The following AK7 variants were observed in gnomAD, a reference collection of about 807,000 sequenced individuals.
The protein encoded by AK7 is adenylate kinase 7, also known as ATP-AMP transphosphorylase 7.
A neutral mutation model predicts 96.6 loss-of-function variants in AK7; 78 were observed. That is an observed-to-expected ratio of 0.81 (90% CI 0.67 to 0.97). The LOEUF is 0.97. AK7 is among the 50% of genes least tolerant of loss of function. The pLI is 0.00. For missense variants in AK7, 855 were observed against 887.9 expected, an observed-to-expected ratio of 0.96 and a Z score of 0.47; for synonymous variants, 302 against 317.2, an observed-to-expected ratio of 0.95 and a Z score of 0.51.
At chr14:96,472,173 TA>T (rs149849551) in intron 13 of AK7, among the ~76,000 whole-genome samples, 66 of 149,430 alleles carry the variant, frequency 4.4e-4, no homozygotes, top group African/African-American at 1.3e-3. Flanking sequence ...GAATTTCCTT[TA>T]AAAAAAAAAT....
At chr14:96,404,382 T>C (rs2139995481) in intron 2 of AK7, among the ~76,000 whole-genome samples, 1 of 152,338 alleles carries the variant, frequency 6.6e-6, no homozygotes, top group Non-Finnish European at 1.5e-5. Flanking sequence ...TTCTGAGTGA[T>C]TCGTGGTATA....
At chr14:96,405,526 G>A (rs1305778525) in intron 3 of AK7, among the ~76,000 whole-genome samples, 1 of 152,060 alleles carries the variant, frequency 6.6e-6, no homozygotes, top group Non-Finnish European at 1.5e-5. Context: ...CATTCCATAG[G>A]CGCTGCTTAA....
chr14:96,488,205 G>C, intron 17 of AK7, 100 bp from the exon 18 acceptor site: 1 of 1,177,228 alleles, frequency 8.5e-7, no homozygotes, highest in Non-Finnish European at 1.2e-6. Context: ...GAGCCACCAA[G>C]CTTGGCCCAG....
At chr14:96,462,495 G>T (rs1281361143) in intron 12 of AK7, among the ~76,000 whole-genome samples, 3 of 152,130 alleles carry the variant, frequency 2.0e-5, no homozygotes, top group African/African-American at 7.2e-5. Context: ...CAGTCCCACA[G>T]TGAGGCCCCT....
intron 3 of AK7, among the ~76,000 whole-genome samples, chr14:96,408,320 C>G (rs1166010575): frequency 6.6e-6 from 1 of 152,252 alleles, no homozygotes; most frequent in East Asian, 1.9e-4. Flanking sequence ...GGCACCCAGA[C>G]AGCCTGGATT....
intron 5 of AK7, among the ~76,000 whole-genome samples, chr14:96,436,026 T>C (rs1041708425): frequency 4.6e-5 from 7 of 152,146 alleles, no homozygotes; most frequent in Non-Finnish European, 1.0e-4. Flanking sequence ...CTGTTTTTTC[T>C]GTGTAGGTAG....
intron 9 of AK7, among the ~76,000 whole-genome samples, chr14:96,450,768 C>CTTTTTTTTTTT (rs937558741): frequency 5.4e-5 from 5 of 93,178 alleles, no homozygotes; most frequent in African/African-American, 2.3e-4. Context: ...ATATTTTTCT[C>CTTTTTTTTTTT]TTTTTTTTTT....
rs543948978 is a variant in AK7, at chr14:96,393,059, CTGTT to C, written c.105+803_105+806del. Among the ~76,000 whole-genome samples, 9 of 152,318 alleles carry C rather than the reference CTGTT, an allele frequency of 5.9e-5. No individual in the cohort carries two copies. In the East Asian group the frequency reaches 1.5e-3, roughly 26 times the overall value. Reference sequence around the variant, plus strand: ...TTGAGCATCTATTATGGACCAGACACTGTTTGGGTCCCCGAGTTCCATTAAGTTT... The same window carrying C: ...TTGAGCATCTATTATGGACCAGACACTGGGTCCCCGAGTTCCATTAAGTTT... On this transcript the variant is annotated intron_variant, in intron 1 of 17. Coordinates refer to ENST00000267584, the MANE Select transcript of AK7 (RefSeq NM_152327.5).
intron 3 of AK7, among the ~76,000 whole-genome samples, chr14:96,407,560 T>C (rs1890778978): frequency 6.7e-6 from 1 of 148,586 alleles, no homozygotes; most frequent in Non-Finnish European, 1.5e-5. Flanking sequence ...GCAGCTCTGA[T>C]ATGTTTCTTT....
At position 96,399,303 on chromosome 14, in the gene AK7, C is replaced by T. The variant is rs1890267603; in HGVS notation, c.294+1040C>T. The T allele has an allele frequency of 6.6e-6, 1 of 152,192 alleles. No homozygotes were observed. Among genetic ancestry groups the T allele is most frequent in the African/African-American group, 2.4e-5 (1 of 41,424 alleles). The allele number at this position is 152,192 out of a possible 1,614,324, so 9.4% of individuals were successfully genotyped here. A position where few individuals can be genotyped will look rare whatever the true frequency, so the allele number is the denominator to read the frequency against. On this transcript the variant is annotated intron_variant, in intron 2 of 17. Coordinates refer to ENST00000267584, the MANE Select transcript of AK7 (RefSeq NM_152327.5). This position sits in a 1 kb window ranked among gnomAD's most constrained non-coding sequence, Gnocchi z 4.1. ...CACTTGTGGAATGGACGAATGCATC[C>T]CCTCCAGACATCTTTGGGACCTTCC... is the stretch of plus-strand genomic sequence containing the variant.
In AK7 at chr14:96,456,490, T is replaced by C. The variant is rs1327015282; in HGVS notation, c.1227+15T>C. ...TAGCAAAACTGGTAACACTTTAAAC[T>C]ATTTTCCTGGGCATTTTAATTAATT... On this transcript the variant is annotated intron_variant, in intron 11 of 17. Transcript: ENST00000267584. 6.2e-7 allele frequency: 1 copy of C among 1,611,054 alleles called. No individual in the cohort carries two copies. The highest frequency in any genetic ancestry group is 8.5e-7 in the Non-Finnish European group (1 of 1,178,098).
chr14:96,465,356 A>G (rs1267343461), intron 12 of AK7, among the ~76,000 whole-genome samples: 1 of 151,954 alleles, frequency 6.6e-6, no homozygotes, highest in African/African-American at 2.4e-5. Flanking sequence ...CCAGCTACTC[A>G]GGAGGCTGAG....
At position 96,416,039 on chromosome 14, in the gene AK7, C is replaced by T. The variant is rs139599252; in HGVS notation, c.499-4783C>T. 1.9e-3 allele frequency among the ~76,000 whole-genome samples: 292 copies of T among 152,092 alleles called. 1 individual carries two copies. Among genetic ancestry groups the T allele is most frequent in the Non-Finnish European group, 3.4e-3 (234 of 67,998 alleles). On this transcript the variant is annotated intron_variant, in intron 4 of 17. Transcript: ENST00000267584. Reference sequence around the variant, plus strand: ...GTCACACGTAATAACCAGGGAGAAACGGAGTCCACCAAATGATCCACGTGG... The same window carrying T: ...GTCACACGTAATAACCAGGGAGAAATGGAGTCCACCAAATGATCCACGTGG...
At chr14:96,428,337 C>T (rs570182789) in intron 5 of AK7, among the ~76,000 whole-genome samples, 1 of 152,234 alleles carries the variant, frequency 6.6e-6, no homozygotes, top group East Asian at 1.9e-4. Context: ...TGTATATGTG[C>T]CACATTTTCT....
intron 10 of AK7, among the ~76,000 whole-genome samples, chr14:96,455,160 TC>T (rs1443806812): frequency 1.3e-5 from 2 of 151,592 alleles, no homozygotes; most frequent in Admixed American, 1.3e-4. Flanking sequence ...AGAGTGAAAC[TC>T]TGTCTCAAAA....
intron 9 of AK7, among the ~76,000 whole-genome samples, chr14:96,451,021 G>A (rs375271018): frequency 5.4e-4 from 81 of 149,234 alleles, no homozygotes; most frequent in African/African-American, 1.9e-3. Context: ...TGATCTGCCC[G>A]CCTTGGTCTC....
intron 2 of AK7, among the ~76,000 whole-genome samples, chr14:96,400,500 C>G (rs1307411684): frequency 6.6e-6 from 1 of 152,202 alleles, no homozygotes; most frequent in Non-Finnish European, 1.5e-5. Context: ...GCTAGTGGCC[C>G]AGAAGTGGAA....
At chr14:96,426,909 G>A (rs1033902979) in intron 5 of AK7, among the ~76,000 whole-genome samples, 6 of 151,826 alleles carry the variant, frequency 4.0e-5, no homozygotes, top group East Asian at 1.9e-4. Context: ...GTCCATTTTC[G>A]CACTGCTATA....
At chr14:96,426,874 T>C (rs964153357) in intron 5 of AK7, among the ~76,000 whole-genome samples, 1 of 152,268 alleles carries the variant, frequency 6.6e-6, no homozygotes, top group East Asian at 1.9e-4. Context: ...GATTATTATA[T>C]GCCTATAGGT....
Sources: allele counts gnomAD v4.1 joint callset (sites outside exome capture counted in the v4.1 genomes callset), GRCh38; gene constraint gnomAD v4.1.1; non-coding constraint Gnocchi (gnomAD v3.1); transcripts MANE v1.5; gene names NCBI Gene and HGNC (gene_info 2026-07-23, HGNC 2026-07-21).